Variants in ZNF782 observed in about 807,000 individuals in gnomAD.
ZNF782 encodes zinc finger protein 782.
Under a neutral mutation model 13.0 loss-of-function variants are expected in ZNF782, and 12 were observed. That is an observed-to-expected ratio of 0.92 (90% confidence interval 0.59 to 1.50). The LOEUF (loss-of-function observed/expected upper bound fraction) is 1.50, where lower values mean the gene tolerates loss of function less well. Ranked by LOEUF, ZNF782 falls within the 40% of genes most tolerant of loss-of-function variation. The probability of loss-of-function intolerance (pLI) is 0.00; values close to 1 mark genes in which losing one functional copy is unlikely to be tolerated. For synonymous variants in ZNF782, 284 were observed against 283.0 expected, an observed-to-expected ratio of 1.00 and a Z score of -0.04; for missense variants, 770 against 822.9, an observed-to-expected ratio of 0.94 and a Z score of 0.79.
the ZNF782 span, chr9:96,910,058 T>A: frequency 1.7e-6 from 1 of 585,788 alleles, no homozygotes; most frequent in East Asian, 4.6e-5. Context: ...CTGCATCAGA[T>A]CACCGGCGTG....
At chr9:96,870,329 T>C (rs1252292352) in intron 1 of ZNF782, among the ~76,000 whole-genome samples, 1 of 152,186 alleles carries the variant, frequency 6.6e-6, no homozygotes, top group African/African-American at 2.4e-5. Flanking sequence ...TTCTGATGAT[T>C]TAATTGATCT....
At chr9:96,895,758 C>G in the ZNF782 span, 1 of 149,258 alleles carries the variant, frequency 6.7e-6, no homozygotes. Context: ...TTAGGTCTGT[C>G]TTGCAGTGGG....
At chr9:96,917,569 T>C in the ZNF782 span, among the ~76,000 whole-genome samples, 6 of 151,718 alleles carry the variant, frequency 4.0e-5, no homozygotes, top group Middle Eastern at 3.4e-3. Flanking sequence ...GTAGCTGGGA[T>C]TACAGGCGCC....
At chr9:96,877,460 C>T (rs1387565408), upstream of ZNF782, among the ~76,000 whole-genome samples, 1 of 152,266 alleles carries the variant, frequency 6.6e-6, no homozygotes, top group Non-Finnish European at 1.5e-5. Flanking sequence ...CCGCGTGGCT[C>T]CAGCCTCCTG....
chr9:96,905,046 A>G, the ZNF782 span, among the ~76,000 whole-genome samples: 1 of 149,724 alleles, frequency 6.7e-6, no homozygotes, highest in Non-Finnish European at 1.5e-5. Flanking sequence ...ACAGAAAATA[A>G]TGAGTGTTGG....
At chr9:96,929,248 G>T in the ZNF782 span, among the ~76,000 whole-genome samples, 1 of 152,106 alleles carries the variant, frequency 6.6e-6, no homozygotes, top group Admixed American at 6.5e-5. Context: ...CAAGATGCCT[G>T]GGGGAATACA....
At chr9:96,842,513 T>C (rs968711128) in intron 4 of ZNF782, among the ~76,000 whole-genome samples, 2 of 151,976 alleles carry the variant, frequency 1.3e-5, no homozygotes, top group Non-Finnish European at 2.9e-5. Flanking sequence ...TGGATATCCA[T>C]AGGCAAAAAC....
At chr9:96,866,749 AAGGGC>A (rs1029162615) in intron 1 of ZNF782, among the ~76,000 whole-genome samples, 60 of 152,356 alleles carry the variant, frequency 3.9e-4, no homozygotes, top group Non-Finnish European at 8.8e-5. Context: ...GCAAAGCCAC[AAGGGC>A]AGAGCTGCCC....
At chr9:96,877,072 A>AT (rs985732819), upstream of ZNF782, among the ~76,000 whole-genome samples, 34 of 151,180 alleles carry the variant, frequency 2.2e-4, no homozygotes, top group Admixed American at 7.3e-4. Context: ...GCACCTGTTG[A>AT]TTTTTTTAAC....
chr9:96,882,660 G>C, the ZNF782 span, among the ~76,000 whole-genome samples: 3 of 152,150 alleles, frequency 2.0e-5, no homozygotes, highest in African/African-American at 7.2e-5. Flanking sequence ...AGCATCAGTA[G>C]GAAAGAATCA....
upstream of ZNF782, among the ~76,000 whole-genome samples, chr9:96,858,080 G>A (rs1851665534): frequency 6.6e-6 from 1 of 152,158 alleles, no homozygotes; most frequent in Non-Finnish European, 1.5e-5. The surrounding 1 kb of genome is among the most constrained non-coding windows in gnomAD (Gnocchi z 4.4). Flanking sequence ...ATTGGCCGCT[G>A]ACAGGTCTAG....
chr9:96,819,822 T>G, intron 5 of ZNF782, 44 bp from the exon 6 acceptor site: 1 of 1,466,160 alleles, frequency 6.8e-7, no homozygotes, highest in Non-Finnish European at 9.1e-7. Flanking sequence ...ATTTAACACA[T>G]TTCTTATGGA....
the ZNF782 span, among the ~76,000 whole-genome samples, chr9:96,903,322 G>A: frequency 2.0e-5 from 3 of 151,762 alleles, no homozygotes; most frequent in African/African-American, 4.9e-5. Flanking sequence ...CCTTTGAGAC[G>A]GGCTTCTTTC....
the ZNF782 span, among the ~76,000 whole-genome samples, chr9:96,881,687 G>A: frequency 6.6e-6 from 1 of 151,966 alleles, no homozygotes; most frequent in Admixed American, 6.6e-5. Context: ...CCTTGCTGAG[G>A]TATCTTGGCA....
chr9:96,883,094 T>C, the ZNF782 span, among the ~76,000 whole-genome samples: 1 of 152,058 alleles, frequency 6.6e-6, no homozygotes, highest in Non-Finnish European at 1.5e-5. Flanking sequence ...TTTCTTTGCA[T>C]TGCCACATTA....
rs1850278505 is a variant in ZNF782 at position 96,818,688 on chromosome 9, T to C, written c.1335A>G (p.Thr445=). 2 of 1,613,836 alleles carry C rather than the reference T, an allele frequency of 1.2e-6. No homozygotes were observed. Among genetic ancestry groups the C allele is most frequent in the Non-Finnish European group, 1.7e-6 (2 of 1,179,856 alleles). ...SGLRIHQRTH[T]GEKPFECHEC... is the part of the protein sequence containing the mutation. ...CATGACATTCGAATGGTTTCTCCCC[T>C]GTGTGGGTTCTCTGGTGTATTCTTA... Residue 445 remains threonine, a synonymous_variant, in exon 6 of 6, where the codon ACA becomes ACG. Coordinates refer to ENST00000481138, the MANE Select transcript of ZNF782 (RefSeq NM_001001662.3).
chr9:96,879,174 A>G (rs141636674), upstream of ZNF782, among the ~76,000 whole-genome samples: 1,993 of 152,348 alleles, frequency 0.013, 50 homozygotes, highest in African/African-American at 0.045. Context: ...TCACTTTGGC[A>G]TAGTCAATTG....
intron 2 of ZNF782, among the ~76,000 whole-genome samples, chr9:96,860,944 G>A (rs932355317): frequency 2.6e-5 from 4 of 152,186 alleles, no homozygotes; most frequent in Non-Finnish European, 1.5e-5. Context: ...TAAAATCAAA[G>A]TGGATTAAAG....
upstream of ZNF782, among the ~76,000 whole-genome samples, chr9:96,878,745 A>T (rs1037503405): frequency 6.6e-6 from 1 of 152,244 alleles, no homozygotes; most frequent in African/African-American, 2.4e-5. Flanking sequence ...TGTGGCAAAT[A>T]GCATTGTTCA....
Sources: allele counts gnomAD v4.1 joint callset (sites outside exome capture counted in the v4.1 genomes callset), GRCh38; gene constraint gnomAD v4.1.1; non-coding constraint Gnocchi (gnomAD v3.1); transcripts MANE v1.5; gene names NCBI Gene and HGNC (gene_info 2026-07-23, HGNC 2026-07-21).